Variants in RORA observed in about 807,000 individuals in gnomAD.
The protein encoded by RORA is RAR related orphan receptor A.
A neutral mutation model predicts 69.5 loss-of-function variants in RORA; 7 were observed. That is an observed-to-expected ratio of 0.10 (90% CI 0.06 to 0.19). The LOEUF is 0.19. Ranked by LOEUF, RORA falls within the 10% of genes least tolerant of loss-of-function variation. The pLI, the probability that RORA is intolerant of heterozygous loss-of-function variation, is 1.00. For missense variants in RORA, 457 were observed against 663.0 expected (o/e 0.69, Z 3.41); for synonymous variants, 261 against 240.8 (o/e 1.08, Z -0.78).
At position 60,793,040 on chromosome 15, in the gene RORA, GA is replaced by G. The variant is rs61443323; in HGVS notation, c.167-114355del. Among the ~76,000 whole-genome samples, 789 of 141,390 alleles carry G rather than the reference GA, an allele frequency of 5.6e-3. 1 individual carries two copies. The highest frequency in any genetic ancestry group is 7.3e-3 in the Admixed American group (103 of 14,194). The allele number at this position is 141,390 out of a possible 152,430, so 92.8% of individuals were successfully genotyped here. Reference sequence around the variant, plus strand: ...CACTCCCTCAAAAGAGAGAGAGAGAGAAAAAAAAAAAGAGAAAGAAAACTTG... The same window carrying G: ...CACTCCCTCAAAAGAGAGAGAGAGAGAAAAAAAAAAGAGAAAGAAAACTTG... On this transcript the variant is annotated intron_variant, in intron 1 of 10. Transcript: ENST00000335670.
At chr15:61,055,741 T>C (rs1157988060) in intron 1 of RORA, among the ~76,000 whole-genome samples, 1 of 152,250 alleles carries the variant, frequency 6.6e-6, no homozygotes, top group East Asian at 1.9e-4. Context: ...ACCATTTCAG[T>C]GAAAAGTGTA....
intron 8 of RORA, 123 bp from the exon 9 acceptor site, chr15:60,501,192 G>T: frequency 3.1e-6 from 2 of 645,324 alleles, no homozygotes; most frequent in Non-Finnish European, 5.6e-6. Context: ...AAAAACATGG[G>T]GAAGGTGAAG....
At chr15:60,614,911 A>G (rs2069191372) in intron 2 of RORA, 4 of 1,613,504 alleles carry the variant, frequency 2.5e-6, no homozygotes, top group Non-Finnish European at 2.5e-6. Context: ...CAATGCAGGG[A>G]GCAGAAAAGA....
intron 1 of RORA, among the ~76,000 whole-genome samples, chr15:61,074,644 C>T (rs2078420516): frequency 6.6e-6 from 1 of 152,192 alleles, no homozygotes; most frequent in African/African-American, 2.4e-5. Context: ...CATTATTCTA[C>T]TGGACTATTC....
At chr15:61,113,197 A>C (rs1355648477) in intron 1 of RORA, among the ~76,000 whole-genome samples, 1 of 152,220 alleles carries the variant, frequency 6.6e-6, no homozygotes, top group Non-Finnish European at 1.5e-5. Flanking sequence ...TAACCTTACA[A>C]GGTAAGTGTT....
At chr15:60,503,213 T>C (rs553608330) in intron 7 of RORA, among the ~76,000 whole-genome samples, 1 of 152,346 alleles carries the variant, frequency 6.6e-6, no homozygotes, top group East Asian at 1.9e-4. Flanking sequence ...AGTATATCTT[T>C]CTGAGTTCTA....
chr15:60,506,221 C>T (rs1240813864), intron 5 of RORA, among the ~76,000 whole-genome samples: 1 of 151,724 alleles, frequency 6.6e-6, no homozygotes, highest in African/African-American at 2.4e-5. Flanking sequence ...TGTGTGATCT[C>T]GGGTATGTTA....
chr15:61,118,321 C>G (rs1479305662), intron 1 of RORA, among the ~76,000 whole-genome samples: 1 of 152,076 alleles, frequency 6.6e-6, no homozygotes, highest in Non-Finnish European at 1.5e-5. Context: ...AAGATAAAGC[C>G]CGGTAAAGGC....
chr15:61,082,686 G>A (rs2078563235), intron 1 of RORA, among the ~76,000 whole-genome samples: 1 of 152,150 alleles, frequency 6.6e-6, no homozygotes, highest in Non-Finnish European at 1.5e-5. Context: ...TGGGACTGAA[G>A]GAGAAAGGCC....
chr15:61,124,280 GCTTATAATAATTCATGCTGGTAGGTT>G (rs1167162321), intron 1 of RORA, among the ~76,000 whole-genome samples: 5 of 152,344 alleles, frequency 3.3e-5, no homozygotes, highest in African/African-American at 1.2e-4. Flanking sequence ...AGTGGGTACA[GCTTATAATAATTCATGCTGGTAGGTT>G]TTGTTTCCTA....
intron 2 of RORA, among the ~76,000 whole-genome samples, chr15:60,586,486 G>A (rs781554172): frequency 2.6e-5 from 4 of 152,114 alleles, no homozygotes; most frequent in Non-Finnish European, 5.9e-5. Context: ...GTGCATGTGT[G>A]TGTTACAGTA....
chr15:60,877,427 CT>C (rs373983297), intron 1 of RORA, among the ~76,000 whole-genome samples: 1,775 of 152,236 alleles, frequency 0.012, 21 homozygotes, highest in Non-Finnish European at 0.019. Flanking sequence ...GTTCTTATGA[CT>C]TTTTTTGGAC....
chr15:60,657,228 G>A (rs1412743524), intron 2 of RORA, among the ~76,000 whole-genome samples: 4 of 152,122 alleles, frequency 2.6e-5, no homozygotes, highest in South Asian at 4.2e-4. Flanking sequence ...TGCCTTCTCC[G>A]TCTCTTTCTT....
intron 1 of RORA, among the ~76,000 whole-genome samples, chr15:61,168,698 C>T (rs889260412): frequency 1.3e-5 from 2 of 152,094 alleles, no homozygotes; most frequent in Admixed American, 6.5e-5. Context: ...ATACATGAAG[C>T]GTTTTATGGT....
At chr15:61,178,318 G>C (rs148732411) in intron 1 of RORA, among the ~76,000 whole-genome samples, 2 of 152,238 alleles carry the variant, frequency 1.3e-5, no homozygotes, top group Non-Finnish European at 2.9e-5. Context: ...AAGGAAAATT[G>C]AATACAGAAG....
chr15:60,734,580 C>T (rs1359785531), intron 1 of RORA, among the ~76,000 whole-genome samples: 2 of 152,198 alleles, frequency 1.3e-5, no homozygotes, highest in Non-Finnish European at 2.9e-5. Context: ...AGGAGACAGG[C>T]ACCAACATAA....
chr15:60,948,506 T>C (rs1457240842), intron 1 of RORA, among the ~76,000 whole-genome samples: 1 of 152,242 alleles, frequency 6.6e-6, no homozygotes, highest in Non-Finnish European at 1.5e-5. Flanking sequence ...CTAGTGCAAA[T>C]GTCTGTCAGG....
intron 1 of RORA, among the ~76,000 whole-genome samples, chr15:60,907,459 G>A (rs2140474852): frequency 6.6e-6 from 1 of 152,272 alleles, no homozygotes; most frequent in Middle Eastern, 3.4e-3. Context: ...CCCTCTCTGG[G>A]CTCCGTGCTC....
At chr15:60,503,923 C>G (rs1033011103) in intron 6 of RORA, among the ~76,000 whole-genome samples, 4 of 152,130 alleles carry the variant, frequency 2.6e-5, no homozygotes, top group African/African-American at 4.8e-5. Context: ...CTGCCTCAGC[C>G]TCCTGAGTAG....
Sources: gnomAD v4.1 joint callset for allele counts (sites outside exome capture counted in the v4.1 genomes callset) on GRCh38, gnomAD v4.1.1 for gene constraint, MANE v1.5 for transcripts, NCBI Gene and HGNC (gene_info 2026-07-23, HGNC 2026-07-21) for gene names.